The following PDE8A variants were observed in gnomAD, a reference collection of about 807,000 sequenced individuals.
The protein encoded by PDE8A is high affinity cAMP-specific and IBMX-insensitive 3',5'-cyclic phosphodiesterase 8A.
PDE8A carries 59 observed loss-of-function variants against 105.0 expected under a neutral mutation model. The ratio of observed to expected loss-of-function variants is 0.56; its 90% CI spans 0.46 to 0.70. PDE8A has a LOEUF of 0.70. Among genes scored for constraint, PDE8A ranks in the 30% least tolerant of loss-of-function variants. The pLI is 0.00. For synonymous variants in PDE8A, 355 were observed against 371.9 expected (o/e 0.95, Z 0.52); for missense variants, 1,014 against 1,045.9 (o/e 0.97, Z 0.42).
intron 1 of PDE8A, among the ~76,000 whole-genome samples, chr15:85,025,633 A>G (rs1175736648): frequency 1.3e-5 from 2 of 152,192 alleles, no homozygotes; most frequent in East Asian, 3.8e-4. Context: ...ATCTGAGTTT[A>G]TATTTAGATG....
intron 1 of PDE8A, among the ~76,000 whole-genome samples, chr15:85,051,874 A>G: frequency 6.6e-6 from 1 of 152,140 alleles, no homozygotes; most frequent in East Asian, 1.9e-4. Flanking sequence ...CACAATGTGC[A>G]GGTTTGTTAC....
intron 1 of PDE8A, among the ~76,000 whole-genome samples, chr15:85,051,796 C>T (rs1180524329): frequency 6.6e-6 from 1 of 152,020 alleles, no homozygotes; most frequent in Non-Finnish European, 1.5e-5. Flanking sequence ...GATCGTTTTC[C>T]TTTTTATGGC....
chr15:85,138,901 CAAAG>C lies in PDE8A; in HGVS notation c.*1001_*1004del, dbSNP rs1298994159. The C allele has an allele frequency of 6.6e-6, 1 of 152,024 alleles. No individual in the cohort carries two copies. Among genetic ancestry groups the C allele is most frequent in the Non-Finnish European group, 1.5e-5 (1 of 67,976 alleles). 9.4% of individuals were successfully genotyped at this position (152,024 alleles called of 1,614,324 possible). On this transcript the variant is annotated 3_prime_UTR_variant, in exon 22 of 22. Coordinates refer to ENST00000394553, the MANE Select transcript of PDE8A (RefSeq NM_002605.3). The stretch of plus-strand genomic sequence containing the variant: ...TTCTACAAAATATTCCTTATAAAAA[CAAAG>C]AACAAAAATTGAATATTTAATGAAT...
chr15:85,007,411 G>A (rs1377703873), intron 1 of PDE8A, among the ~76,000 whole-genome samples: 1 of 150,074 alleles, frequency 6.7e-6, no homozygotes, highest in Non-Finnish European at 1.5e-5. Flanking sequence ...GACACAGGGC[G>A]GCTTCTAGTA....
rs56869355 is a variant in PDE8A, at chr15:85,022,540, A to ATT, written c.186+40208_186+40209dup. ...CATGGTAGTGTCATATATATGCAAAATTTTTTTTTTTTTTTTTGAGATGGA... is the reference window on the plus strand; with the variant it reads ...CATGGTAGTGTCATATATATGCAAAATTTTTTTTTTTTTTTTTTTGAGATGGA... On this transcript the variant is annotated intron_variant, in intron 1 of 21. Transcript: ENST00000394553. Among the ~76,000 whole-genome samples the ATT allele has an allele frequency of 1.8e-4, 26 of 143,090 alleles. 1 individual carries two copies. The highest frequency in any genetic ancestry group is 6.6e-4 in the African/African-American group (25 of 37,952). The allele number at this position is 143,090 out of a possible 152,430, so 93.9% of individuals were successfully genotyped here.
intron 1 of PDE8A, among the ~76,000 whole-genome samples, chr15:85,000,046 C>A (rs2080043506): frequency 6.6e-6 from 1 of 152,182 alleles, no homozygotes; most frequent in Admixed American, 6.5e-5. Flanking sequence ...CGTTCAAATT[C>A]TGGGCTTTCT....
intron 20 of PDE8A, among the ~76,000 whole-genome samples, chr15:85,130,989 T>C (rs1298162260): frequency 6.6e-6 from 1 of 152,120 alleles, no homozygotes; most frequent in East Asian, 1.9e-4. Context: ...ACTCCTGACC[T>C]CAGGTGATCC....
chr15:84,982,065 G>T lies in PDE8A; in HGVS notation c.-98G>T, dbSNP rs2079719294. 5 of 713,416 alleles carry T rather than the reference G, an allele frequency of 7.0e-6. No homozygotes were observed. The allele number at this position is 713,416 out of a possible 1,614,324, so 44.2% of individuals were successfully genotyped here. A position where few individuals can be genotyped will look rare whatever the true frequency, so the allele number is the denominator to read the frequency against. Reference sequence around the variant, plus strand: ...GCTCGCCGCCGCCCGCCCAGGCGGCGATGACACGGCGCCCGCGGCGGCCCG... The same window carrying T: ...GCTCGCCGCCGCCCGCCCAGGCGGCTATGACACGGCGCCCGCGGCGGCCCG... On this transcript the variant is annotated 5_prime_UTR_variant, in exon 1 of 22. Transcript: ENST00000394553.
At chr15:85,063,769 C>T (rs1441912329) in intron 1 of PDE8A, 4 of 152,418 alleles carry the variant, frequency 2.6e-5, no homozygotes, top group Admixed American at 6.5e-5. Context: ...TGTTATTACT[C>T]ACTGGGGTTT....
intron 20 of PDE8A, among the ~76,000 whole-genome samples, chr15:85,134,986 G>T (rs575444686): frequency 6.6e-6 from 1 of 152,180 alleles, no homozygotes; most frequent in Non-Finnish European, 1.5e-5. Context: ...AGCTGGTGCC[G>T]TAGAGCTGCG....
chr15:85,077,929 C>T (rs1200604699), intron 5 of PDE8A, among the ~76,000 whole-genome samples: 1 of 151,704 alleles, frequency 6.6e-6, no homozygotes, highest in African/African-American at 2.4e-5. Flanking sequence ...ATAAGTTAGA[C>T]AGGTGAAGAA....
chr15:85,110,591 C>T (rs998504109), intron 12 of PDE8A, among the ~76,000 whole-genome samples: 9 of 152,216 alleles, frequency 5.9e-5, no homozygotes, highest in Admixed American at 1.3e-4. Flanking sequence ...TTCATGTTTT[C>T]GAGGTTCTTC....
intron 16 of PDE8A, 140 bp from the exon 17 acceptor site, chr15:85,117,501 G>A: frequency 1.4e-6 from 1 of 706,770 alleles, no homozygotes; most frequent in Non-Finnish European, 2.5e-6. Context: ...CCCCACCAGA[G>A]AGAGGCCAGC....
chr15:85,066,615 C>T (rs868838966), intron 2 of PDE8A, among the ~76,000 whole-genome samples: 13 of 123,276 alleles, frequency 1.1e-4, no homozygotes, highest in African/African-American at 2.8e-4. Context: ...CACACACACA[C>T]ACACACACAC....
intron 19 of PDE8A, among the ~76,000 whole-genome samples, chr15:85,125,838 G>C: frequency 6.6e-6 from 1 of 151,968 alleles, no homozygotes; most frequent in East Asian, 1.9e-4. Flanking sequence ...TATAATAAAA[G>C]ACAAAACCAG....
chr15:85,130,706 T>G (rs916402838), intron 20 of PDE8A, among the ~76,000 whole-genome samples: 12 of 152,200 alleles, frequency 7.9e-5, no homozygotes, highest in African/African-American at 2.9e-4. Context: ...TCTATAAATG[T>G]TTGCTTCATA....
intron 1 of PDE8A, among the ~76,000 whole-genome samples, chr15:84,988,175 T>A (rs541558428): frequency 5.3e-5 from 8 of 152,320 alleles, no homozygotes; most frequent in Admixed American, 5.2e-4. Context: ...GTTAGAAACT[T>A]GTCCGAGGTC....
chr15:85,011,863 C>A (rs1007718652), intron 1 of PDE8A, among the ~76,000 whole-genome samples: 1 of 152,146 alleles, frequency 6.6e-6, no homozygotes, highest in Non-Finnish European at 1.5e-5. Context: ...AAAAAACAAA[C>A]AACCCCATCA....
chr15:85,060,990 C>A (rs1019914114), intron 1 of PDE8A, among the ~76,000 whole-genome samples: 2 of 152,156 alleles, frequency 1.3e-5, no homozygotes, highest in East Asian at 3.9e-4. Flanking sequence ...TGGTAATGAA[C>A]TCCCTTAGTT....
Sources: gnomAD v4.1 joint callset for allele counts (sites outside exome capture counted in the v4.1 genomes callset) on GRCh38, gnomAD v4.1.1 for gene constraint, MANE v1.5 for transcripts, NCBI Gene and HGNC (gene_info 2026-07-23, HGNC 2026-07-21) for gene names.